The following SLC16A12 variants were observed in gnomAD, a reference collection of about 807,000 sequenced individuals.
The protein encoded by SLC16A12 is monocarboxylate transporter 12.
SLC16A12 carries 17 observed loss-of-function variants against 42.4 expected under a neutral mutation model. The observed-to-expected ratio is 0.40, with a 90% confidence interval of 0.27 to 0.60. The LOEUF is 0.60. Ranked by LOEUF, SLC16A12 falls within the 20% of genes least tolerant of loss-of-function variation. The probability of loss-of-function intolerance (pLI) is 0.42; values close to 1 mark genes in which losing one functional copy is unlikely to be tolerated. For missense variants in SLC16A12, 544 were observed against 623.0 expected, an observed-to-expected ratio of 0.87 and a Z score of 1.35; for synonymous variants, 224 against 229.4, an observed-to-expected ratio of 0.98 and a Z score of 0.21.
intron 2 of SLC16A12, among the ~76,000 whole-genome samples, chr10:89,465,065 G>C (rs1294534515): frequency 3.3e-5 from 5 of 152,182 alleles, no homozygotes; most frequent in Non-Finnish European, 7.3e-5. Context: ...TACTGGTGTT[G>C]GGGCTAAGTG....
chr10:89,551,415 C>G (rs961140908), intron 2 of SLC16A12, among the ~76,000 whole-genome samples: 26 of 152,220 alleles, frequency 1.7e-4, no homozygotes, highest in African/African-American at 5.5e-4. Flanking sequence ...TGCACTCCAG[C>G]CTGGGCAATA....
At chr10:89,513,222 C>T (rs1408223254) in intron 2 of SLC16A12, among the ~76,000 whole-genome samples, 2 of 152,142 alleles carry the variant, frequency 1.3e-5, no homozygotes, top group African/African-American at 4.8e-5. Context: ...GCTCTTTTCA[C>T]ATAATGATAC....
At chr10:89,492,136 G>C (rs983588285) in intron 2 of SLC16A12, among the ~76,000 whole-genome samples, 5 of 152,164 alleles carry the variant, frequency 3.3e-5, no homozygotes, top group Non-Finnish European at 7.4e-5. Context: ...GGCTTCATTT[G>C]TTTATGATGT....
At position 89,440,073 on chromosome 10, in the gene SLC16A12, C is replaced by CAAAAAAAAA. The variant is rs10674171; in HGVS notation, c.449-899_449-891dup. ...GGACCGAGCCAGATAGACCCTGTCT[C>CAAAAAAAAA]AAAAAAAAAAAAAAAAAAAAAAAAA... On this transcript the variant is annotated intron_variant, in intron 5 of 7. Transcript: ENST00000371790. 2.0e-3 allele frequency among the ~76,000 whole-genome samples: 64 copies of CAAAAAAAAA among 31,456 alleles called. 5 individuals are homozygous for CAAAAAAAAA. The highest frequency in any genetic ancestry group is 2.5e-3 in the Non-Finnish European group (44 of 17,622). The allele number at this position is 31,456 out of a possible 152,430, so 20.6% of individuals were successfully genotyped here.
Position 89,439,165 on chromosome 10 carries a change from C to G in SLC16A12, c.467G>C (p.Cys156Ser), listed in dbSNP as rs1841860765. ...GVLTGLGFAL[C>S]YSPAIAMVGK... Reference sequence around the variant, plus strand: ...AACCATGGCAATAGCTGGAGAGTAACAAAGTGCAAATCCAAGACCTGAGGA... The same window carrying G: ...AACCATGGCAATAGCTGGAGAGTAAGAAAGTGCAAATCCAAGACCTGAGGA... Residue 156 changes from cysteine (C) to serine (S), a missense_variant, in exon 6 of 8, where the codon TGT (cysteine) becomes TCT (serine). Cys to Ser is a moderately radical substitution (Grantham distance 112). Coordinates refer to ENST00000371790, the MANE Select transcript of SLC16A12 (RefSeq NM_213606.4). 6.2e-7 allele frequency: 1 copy of G among 1,614,140 alleles called. No homozygotes were observed. Among genetic ancestry groups the G allele is most frequent in the Non-Finnish European group, 8.5e-7 (1 of 1,180,022 alleles).
At chr10:89,486,604 AAAGAAAGAAAGAAAGAAAGAAAG>A (rs1404042994) in intron 2 of SLC16A12, among the ~76,000 whole-genome samples, 3 of 38,202 alleles carry the variant, frequency 7.9e-5, no homozygotes, top group African/African-American at 2.3e-4. Flanking sequence ...AAAAAAAAAA[AAAGAAAGAAAGAAAGAAAGAAAG>A]AAAGAAAGAA....
intron 2 of SLC16A12, among the ~76,000 whole-genome samples, chr10:89,515,796 C>A (rs1396538355): frequency 6.6e-6 from 1 of 152,114 alleles, no homozygotes; most frequent in Non-Finnish European, 1.5e-5. Flanking sequence ...CATGAATTAA[C>A]CACAGAAAGT....
At chr10:89,521,297 G>C (rs777499134) in intron 2 of SLC16A12, among the ~76,000 whole-genome samples, 1 of 152,142 alleles carries the variant, frequency 6.6e-6, no homozygotes, top group African/African-American at 2.4e-5. Flanking sequence ...ACCCCAAAAC[G>C]TGCTACCAAC....
intron 3 of SLC16A12, among the ~76,000 whole-genome samples, chr10:89,453,902 C>A (rs943144270): frequency 6.6e-6 from 1 of 152,138 alleles, no homozygotes; most frequent in Non-Finnish European, 1.5e-5. Flanking sequence ...TTGCTAAATG[C>A]ACCCTGGAGA....
At chr10:89,507,970 A>T (rs905114101) in intron 2 of SLC16A12, among the ~76,000 whole-genome samples, 3 of 152,250 alleles carry the variant, frequency 2.0e-5, no homozygotes, top group African/African-American at 7.2e-5. Context: ...TAAAGATCAA[A>T]AGAGACAAAG....
intron 2 of SLC16A12, among the ~76,000 whole-genome samples, chr10:89,465,559 T>G (rs1842380279): frequency 6.6e-6 from 1 of 152,216 alleles, no homozygotes; most frequent in Non-Finnish European, 1.5e-5. Context: ...GTGTCATGAA[T>G]AAGTAGCTTT....
At chr10:89,462,238 G>C (rs2133746414) in intron 3 of SLC16A12, 141 bp downstream of exon 3, 1 of 1,162,504 alleles carries the variant, frequency 8.6e-7, no homozygotes, top group East Asian at 2.6e-5. Flanking sequence ...AATGATACCT[G>C]AAGAGTCAAC....
intron 2 of SLC16A12, among the ~76,000 whole-genome samples, chr10:89,524,462 C>A (rs899572190): frequency 6.6e-6 from 1 of 152,250 alleles, no homozygotes. Flanking sequence ...ATGAGCAGTG[C>A]TTTCAATTCC....
chr10:89,449,947 A>G (rs1842065798), intron 3 of SLC16A12, among the ~76,000 whole-genome samples: 1 of 152,238 alleles, frequency 6.6e-6, no homozygotes, highest in South Asian at 2.1e-4. Context: ...AAAGGTGGCA[A>G]AGGATATGAA....
rs2133746589 is a variant in SLC16A12 at position 89,462,282 on chromosome 10, A to G, written c.200+97T>C. ...ACACACACCACATGAACACACACAT[A>G]TCTTCACAATGATGGGTTCAGAAAG... On this transcript the variant is annotated intron_variant, in intron 3 of 7. Coordinates refer to ENST00000371790, the MANE Select transcript of SLC16A12 (RefSeq NM_213606.4). The G allele has an allele frequency of 5.9e-6, 9 of 1,528,700 alleles. No homozygotes were observed. The South Asian group carries it at 7.0e-5, about 12-fold the overall frequency. 94.7% of individuals were successfully genotyped at this position (1,528,700 alleles called of 1,614,324 possible). A position where few individuals can be genotyped will look rare whatever the true frequency, so the allele number is the denominator to read the frequency against.
At chr10:89,470,919 AGGACAC>A (rs66556710) in intron 2 of SLC16A12, among the ~76,000 whole-genome samples, 74,131 of 151,176 alleles carry the variant, frequency 0.49, 18,401 homozygotes, top group Non-Finnish European at 0.54. Flanking sequence ...CACTACCACA[AGGACAC>A]GGACACGTGA....
At chr10:89,516,114 G>A (rs1050875731) in intron 2 of SLC16A12, among the ~76,000 whole-genome samples, 1 of 152,094 alleles carries the variant, frequency 6.6e-6, no homozygotes, top group Non-Finnish European at 1.5e-5. Context: ...CGGTGTGTCC[G>A]ACTCATTTAC....
chr10:89,462,810 A>T, intron 2 of SLC16A12, 186 bp from the exon 3 acceptor site: 3 of 595,742 alleles, frequency 5.0e-6, no homozygotes, highest in Non-Finnish European at 8.0e-6. Flanking sequence ...ATAAAATAGA[A>T]CCTCTCAAAT....
upstream of SLC16A12, among the ~76,000 whole-genome samples, chr10:89,540,476 T>C (rs2133883684): frequency 6.6e-6 from 1 of 152,334 alleles, no homozygotes; most frequent in East Asian, 1.9e-4. Context: ...TTTCTTAGAC[T>C]TTAGCCCCTA....
Sources: allele counts gnomAD v4.1 joint callset (sites outside exome capture counted in the v4.1 genomes callset), GRCh38; gene constraint gnomAD v4.1.1; transcripts MANE v1.5; gene names NCBI Gene and HGNC (gene_info 2026-07-23, HGNC 2026-07-21).